SLC14A2: variants seen among roughly 807,000 people sequenced by gnomAD.
SLC14A2 encodes urea transporter 2.
SLC14A2 carries 91 observed loss-of-function variants against 104.6 expected under a neutral mutation model. The ratio of observed to expected loss-of-function variants is 0.87; its 90% CI spans 0.73 to 1.04. The LOEUF (loss-of-function observed/expected upper bound fraction) is 1.04, where lower values mean the gene tolerates loss of function less well. Ranked by LOEUF, SLC14A2 falls within the 50% of genes least tolerant of loss-of-function variation. The probability of loss-of-function intolerance (pLI) is 0.00; values close to 1 mark genes in which losing one functional copy is unlikely to be tolerated. For missense variants in SLC14A2, 1,189 were observed against 1,156.0 expected (o/e 1.03, Z -0.41); for synonymous variants, 476 against 466.4 (o/e 1.02, Z -0.27).
At chr18:45,304,781 C>A (rs2085001607) in intron 1 of SLC14A2, among the ~76,000 whole-genome samples, 1 of 152,098 alleles carries the variant, frequency 6.6e-6, no homozygotes, top group South Asian at 2.1e-4. Context: ...AGGATATAGC[C>A]CCAGTCTGGA....
chr18:45,624,210 A>T (rs903066695), intron 1 of SLC14A2, among the ~76,000 whole-genome samples: 2 of 152,166 alleles, frequency 1.3e-5, no homozygotes, highest in Non-Finnish European at 2.9e-5. Context: ...GCCTCCATAG[A>T]AATTCAGGAA....
At chr18:45,645,742 T>C (rs2045614116) in intron 10 of SLC14A2, among the ~76,000 whole-genome samples, 1 of 151,032 alleles carries the variant, frequency 6.6e-6, no homozygotes, top group African/African-American at 2.4e-5. Context: ...ACCCTGTCAT[T>C]ATAGCATAAA....
the SLC14A2 span, among the ~76,000 whole-genome samples, chr18:45,197,011 G>A: frequency 2.2e-3 from 342 of 152,286 alleles, 4 homozygotes; most frequent in Non-Finnish European, 2.6e-3. Context: ...GGATCACTAC[G>A]AAGGATGTGC....
chr18:45,667,148 C>G (rs1301784024), intron 13 of SLC14A2, 54 bp downstream of exon 13: 1 of 1,488,484 alleles, frequency 6.7e-7, no homozygotes, highest in African/African-American at 1.4e-5. Flanking sequence ...CACCTCCACC[C>G]ATCCCCAGGA....
chr18:45,664,640 G>A (rs965206348), intron 11 of SLC14A2, among the ~76,000 whole-genome samples: 5 of 152,206 alleles, frequency 3.3e-5, no homozygotes, highest in African/African-American at 4.8e-5. Flanking sequence ...CCAAGTTAGT[G>A]CAACATCACA....
chr18:45,328,562 G>T (rs766236051), intron 1 of SLC14A2, among the ~76,000 whole-genome samples: 3 of 152,152 alleles, frequency 2.0e-5, no homozygotes, highest in Admixed American at 6.5e-5. Context: ...TCTTGGAGGG[G>T]TATTTGGACA....
chr18:45,497,828 G>A (rs928180095), intron 2 of SLC14A2, among the ~76,000 whole-genome samples: 1 of 152,206 alleles, frequency 6.6e-6, no homozygotes, highest in Non-Finnish European at 1.5e-5. Context: ...TGTCCCCAGC[G>A]AAAATGGCCC....
At chr18:45,544,108 G>A (rs1392314568) in intron 2 of SLC14A2, among the ~76,000 whole-genome samples, 2 of 152,172 alleles carry the variant, frequency 1.3e-5, no homozygotes, top group African/African-American at 2.4e-5. Context: ...CCAATGCACC[G>A]TCCCCTTAGC....
At chr18:45,477,662 TC>T (rs2087409357) in intron 1 of SLC14A2, among the ~76,000 whole-genome samples, 1 of 152,196 alleles carries the variant, frequency 6.6e-6, no homozygotes, top group African/African-American at 2.4e-5. Context: ...CTGCTGCCTT[TC>T]TTTCAGAGAT....
At chr18:45,190,264 G>C in the SLC14A2 span, among the ~76,000 whole-genome samples, 1 of 152,056 alleles carries the variant, frequency 6.6e-6, no homozygotes, top group African/African-American at 2.4e-5. Flanking sequence ...ATCTTGCTTG[G>C]AGAAGCAGCA....
In SLC14A2 at chr18:45,391,612, A is replaced by G. The variant is rs1346208783; in HGVS notation, c.-124-91621A>G. Among the ~76,000 whole-genome samples, 132 of 152,130 alleles carry G rather than the reference A, an allele frequency of 8.7e-4. 1 individual carries two copies. The highest frequency in any genetic ancestry group is 2.5e-3 in the South Asian group (12 of 4,818). On this transcript the variant is annotated intron_variant, in intron 1 of 20. Transcript: ENST00000586448. ...GTTGTTTCCTGACTTTTTAATGATC[A>G]CCATTCTAACTGGTGTGAGATGGTA...
At chr18:45,276,890 C>T (rs1599636390) in intron 1 of SLC14A2, among the ~76,000 whole-genome samples, 1 of 152,220 alleles carries the variant, frequency 6.6e-6, no homozygotes, top group South Asian at 2.1e-4. Flanking sequence ...TACCACTTTG[C>T]TTTAATTGCT....
chr18:45,628,711 TGA>T lies in SLC14A2; in HGVS notation c.521+1568_521+1569del, dbSNP rs577508113. Among the ~76,000 whole-genome samples, 250 of 152,316 alleles carry T rather than the reference TGA, an allele frequency of 1.6e-3. 1 individual carries two copies. The highest frequency in any genetic ancestry group is 6.8e-3 in the Middle Eastern group (2 of 294). On this transcript the variant is annotated intron_variant, in intron 4 of 19. Transcript: ENST00000255226. ...AGTTAATAGCGTAAAATAAAACTGATGAGAGTTATCTATATATGGTAATGGTA... is the reference window on the plus strand; with the variant it reads ...AGTTAATAGCGTAAAATAAAACTGATGAGTTATCTATATATGGTAATGGTA...
At chr18:45,187,203 A>G in the SLC14A2 span, among the ~76,000 whole-genome samples, 2 of 152,132 alleles carry the variant, frequency 1.3e-5, no homozygotes, top group Admixed American at 1.3e-4. Context: ...CTAAGCAATG[A>G]CCTGTATGGA....
chr18:45,519,820 T>C (rs2043491676), intron 2 of SLC14A2, among the ~76,000 whole-genome samples: 1 of 152,114 alleles, frequency 6.6e-6, no homozygotes, highest in South Asian at 2.1e-4. Flanking sequence ...CAGCCCTTTG[T>C]GAGATCGCTC....
chr18:45,586,257 C>A (rs1035561488), intron 2 of SLC14A2, among the ~76,000 whole-genome samples: 1 of 152,086 alleles, frequency 6.6e-6, no homozygotes, highest in Non-Finnish European at 1.5e-5. Flanking sequence ...AGTGAGGGGG[C>A]AAGTCCCACA....
At chr18:45,309,167 C>G (rs1246253824) in intron 1 of SLC14A2, among the ~76,000 whole-genome samples, 1 of 152,162 alleles carries the variant, frequency 6.6e-6, no homozygotes, top group Non-Finnish European at 1.5e-5. Flanking sequence ...AGGGGCTTCA[C>G]ATGGTCAGAT....
intron 1 of SLC14A2, among the ~76,000 whole-genome samples, chr18:45,363,362 TAAAGAA>T: frequency 6.7e-6 from 1 of 150,316 alleles, no homozygotes; most frequent in Non-Finnish European, 1.5e-5. Flanking sequence ...GGGGGAAAAA[TAAAGAA>T]AAAGAAAGAA....
intron 1 of SLC14A2, among the ~76,000 whole-genome samples, chr18:45,454,256 C>T (rs2086905561): frequency 6.6e-6 from 1 of 152,142 alleles, no homozygotes; most frequent in African/African-American, 2.4e-5. Flanking sequence ...TTTTTTTTAA[C>T]ATGAGGATCT....
Sources: gnomAD v4.1 joint callset for allele counts (sites outside exome capture counted in the v4.1 genomes callset) on GRCh38, gnomAD v4.1.1 for gene constraint, MANE v1.5 for transcripts, NCBI Gene and HGNC (gene_info 2026-07-23, HGNC 2026-07-21) for gene names.